The following TTC7B variants were observed in gnomAD, a reference collection of about 807,000 sequenced individuals.
TTC7B encodes tetratricopeptide repeat protein 7B.
In TTC7B, 28 loss-of-function variants were observed where a neutral mutation model predicts 106.8. That is an observed-to-expected ratio of 0.26 (90% confidence interval 0.19 to 0.36). The LOEUF (loss-of-function observed/expected upper bound fraction) is 0.36, where lower values mean the gene tolerates loss of function less well. TTC7B is among the 10% of genes least tolerant of loss of function. TTC7B has a pLI of 1.00. For missense variants in TTC7B, 862 were observed against 1,076.4 expected (o/e 0.80, Z 2.79); for synonymous variants, 405 against 430.6 (o/e 0.94, Z 0.74).
rs531831148 is a variant in TTC7B, at chr14:90,608,886, G to C, written c.1966+1856C>G. On this transcript the variant is annotated intron_variant, in intron 17 of 19. Coordinates refer to ENST00000328459, the MANE Select transcript of TTC7B (RefSeq NM_001010854.2). The surrounding 1 kb of genome is among the most constrained non-coding windows in gnomAD (Gnocchi z 5.1). ...TCCAGGCCAGCTGGAAGGAAAGGGG[G>C]TCTGAATTTAGTGTGGCTGTTCTCA... Among the ~76,000 whole-genome samples the C allele has an allele frequency of 7.2e-5, 11 of 152,336 alleles. No homozygotes were observed. The highest frequency in any genetic ancestry group is 3.4e-3 in the Middle Eastern group (1 of 294).
At chr14:90,692,024 A>T (rs945450897) in intron 6 of TTC7B, among the ~76,000 whole-genome samples, 2 of 152,230 alleles carry the variant, frequency 1.3e-5, no homozygotes, top group Non-Finnish European at 2.9e-5. Context: ...GTTCATCAGT[A>T]TCATCGTGTA....
rs1473627315 is a variant in TTC7B at position 90,578,644 on chromosome 14, CG to C, written c.2108-337del. On this transcript the variant is annotated intron_variant, in intron 18 of 19. Coordinates refer to ENST00000328459, the MANE Select transcript of TTC7B (RefSeq NM_001010854.2). This position sits in a 1 kb window ranked among gnomAD's most constrained non-coding sequence, Gnocchi z 4.7. ...CTCAGTGTCTGGACAGAGGCTGGCC[CG>C]GTCCAACCCTTGGCTCTGACCCCCA... Among the ~76,000 whole-genome samples, 1 of 151,914 alleles carries C rather than the reference CG, an allele frequency of 6.6e-6. No homozygotes were observed. Among genetic ancestry groups the C allele is most frequent in the Non-Finnish European group, 1.5e-5 (1 of 67,980 alleles).
chr14:90,579,891 C>A (rs1178660565), intron 18 of TTC7B, among the ~76,000 whole-genome samples: 1 of 152,274 alleles, frequency 6.6e-6, no homozygotes, highest in African/African-American at 2.4e-5. Context: ...TCCCCTGGAG[C>A]CCACTTTGGA....
chr14:90,563,531 G>A (rs1413395972), intron 19 of TTC7B, among the ~76,000 whole-genome samples: 3 of 152,238 alleles, frequency 2.0e-5, no homozygotes, highest in Non-Finnish European at 4.4e-5. Context: ...GTTGATGGCT[G>A]CTGACTGATC....
At chr14:90,606,899 T>C (rs559643449) in intron 17 of TTC7B, among the ~76,000 whole-genome samples, 45 of 152,312 alleles carry the variant, frequency 3.0e-4, no homozygotes, top group African/African-American at 1.1e-3. Flanking sequence ...TCATGAATAC[T>C]GAGGCTGCAC....
Position 90,641,934 on chromosome 14 carries a change from C to CGTGTGT in TTC7B, c.1751+2108_1751+2113dup, listed in dbSNP as rs145476335. On this transcript the variant is annotated intron_variant, in intron 15 of 19. Transcript: ENST00000328459. Reference sequence around the variant, plus strand: ...TAATGAAAGAGCTTGTGTGTGTGTGCGTGTGTGTGTGTGTGTGTGTGTGTG... The same window carrying CGTGTGT: ...TAATGAAAGAGCTTGTGTGTGTGTGCGTGTGTGTGTGTGTGTGTGTGTGTGTGTGTG... Among the ~76,000 whole-genome samples, 455 of 147,100 alleles carry CGTGTGT rather than the reference C, an allele frequency of 3.1e-3. 2 individuals are homozygous for CGTGTGT. Among genetic ancestry groups the CGTGTGT allele is most frequent in the South Asian group, 5.0e-3 (23 of 4,638 alleles).
At chr14:90,601,271 A>C (rs937026298) in intron 17 of TTC7B, among the ~76,000 whole-genome samples, 3 of 152,206 alleles carry the variant, frequency 2.0e-5, no homozygotes, top group Admixed American at 6.5e-5. Flanking sequence ...TTTTAAAGCT[A>C]CTTTATTCTA....
intron 9 of TTC7B, among the ~76,000 whole-genome samples, chr14:90,661,611 T>A (rs984746435): frequency 2.6e-5 from 4 of 152,280 alleles, no homozygotes; most frequent in African/African-American, 9.6e-5. Flanking sequence ...GGAGCCGGTA[T>A]GTGGAGAGAT....
chr14:90,658,583 G>A (rs533180220), intron 9 of TTC7B, among the ~76,000 whole-genome samples, 196 bp from the exon 10 acceptor site: 2 of 152,298 alleles, frequency 1.3e-5, no homozygotes, highest in East Asian at 1.9e-4. Flanking sequence ...CGGTGGCCAG[G>A]ACAACCTACA....
chr14:90,700,682 T>C (rs1462068809), intron 5 of TTC7B, among the ~76,000 whole-genome samples: 9 of 147,688 alleles, frequency 6.1e-5, no homozygotes, highest in Admixed American at 1.3e-4. Flanking sequence ...TATACCCTTA[T>C]GGTATGTATC....
intron 1 of TTC7B, 71 bp from the exon 2 acceptor site, chr14:90,786,399 A>G: frequency 6.3e-7 from 1 of 1,579,260 alleles, no homozygotes; most frequent in Non-Finnish European, 8.6e-7. Context: ...CACTCAAGGG[A>G]CCCCAGAACC....
At chr14:90,658,568 C>T (rs1239784540) in intron 9 of TTC7B, among the ~76,000 whole-genome samples, 181 bp from the exon 10 acceptor site, 1 of 152,232 alleles carries the variant, frequency 6.6e-6, no homozygotes, top group Non-Finnish European at 1.5e-5. Flanking sequence ...GATGATGCAC[C>T]ATGCCGGTGG....
intron 1 of TTC7B, 139 bp downstream of exon 1, chr14:90,816,036 G>C (rs1398362717): frequency 7.4e-6 from 7 of 945,394 alleles, no homozygotes; most frequent in Non-Finnish European, 8.8e-6. Context: ...CCGGTCCCGC[G>C]CACATCCCCT....
intron 9 of TTC7B, among the ~76,000 whole-genome samples, chr14:90,658,873 G>A (rs905177349): frequency 2.0e-5 from 3 of 152,216 alleles, no homozygotes; most frequent in Non-Finnish European, 4.4e-5. Flanking sequence ...GCCTGCCGTG[G>A]TGAGTAATCT....
intron 4 of TTC7B, 26 bp downstream of exon 4, chr14:90,744,766 G>C (rs1289693910): frequency 1.9e-6 from 3 of 1,603,884 alleles, no homozygotes. Context: ...AAAGTTATCA[G>C]GAACAAACAC....
intron 19 of TTC7B, among the ~76,000 whole-genome samples, chr14:90,545,644 A>G (rs1030485621): frequency 6.6e-6 from 1 of 152,162 alleles, no homozygotes; most frequent in African/African-American, 2.4e-5. Context: ...TGGTCTCGGC[A>G]CCCTGCTGGA....
chr14:90,792,928 G>A (rs1891635905), intron 1 of TTC7B, among the ~76,000 whole-genome samples: 1 of 152,108 alleles, frequency 6.6e-6, no homozygotes, highest in Non-Finnish European at 1.5e-5. Flanking sequence ...TGAAGTGCTG[G>A]GAGAGTGATA....
intron 16 of TTC7B, among the ~76,000 whole-genome samples, chr14:90,614,757 T>C (rs1893002958): frequency 6.6e-6 from 1 of 152,242 alleles, no homozygotes; most frequent in Admixed American, 6.5e-5. Flanking sequence ...GGATTGAAGA[T>C]AACACATCAG....
intron 5 of TTC7B, among the ~76,000 whole-genome samples, chr14:90,708,798 C>T (rs1490903357): frequency 6.6e-6 from 1 of 152,036 alleles, no homozygotes; most frequent in African/African-American, 2.4e-5. Flanking sequence ...AATTGAAAAC[C>T]TCTGGAAAGG....
Sources: allele counts gnomAD v4.1 joint callset (sites outside exome capture counted in the v4.1 genomes callset), GRCh38; gene constraint gnomAD v4.1.1; non-coding constraint Gnocchi (gnomAD v3.1); transcripts MANE v1.5; gene names NCBI Gene and HGNC (gene_info 2026-07-23, HGNC 2026-07-21).